PSPH: variants seen among roughly 807,000 people sequenced by gnomAD.
The protein encoded by PSPH is phosphoserine phosphatase, also known as L-3-phosphoserine phosphatase.
PSPH carries 16 observed loss-of-function variants against 23.4 expected under a neutral mutation model. The observed-to-expected ratio is 0.68, with a 90% confidence interval of 0.46 to 1.04. PSPH has a LOEUF of 1.04. Among genes scored for constraint, PSPH ranks in the 50% least tolerant of loss-of-function variants. The probability of loss-of-function intolerance (pLI) is 0.00; values close to 1 mark genes in which losing one functional copy is unlikely to be tolerated. For synonymous variants in PSPH, 68 were observed against 99.7 expected (o/e 0.68, Z 1.89); for missense variants, 223 against 273.7 (o/e 0.81, Z 1.31).
intron 1 of PSPH, among the ~76,000 whole-genome samples, chr7:56,044,418 A>G (rs1048947969): frequency 6.6e-6 from 1 of 152,156 alleles, no homozygotes; most frequent in African/African-American, 2.4e-5. Context: ...AACGTTACCT[A>G]CTCTGACAAT....
intron 3 of PSPH, among the ~76,000 whole-genome samples, chr7:56,029,265 A>G (rs1013652468): frequency 6.6e-6 from 1 of 152,076 alleles, no homozygotes; most frequent in Non-Finnish European, 1.5e-5. Flanking sequence ...ACACAGAAAA[A>G]TCATTGCCAG....
At chr7:56,019,501 C>A in intron 5 of PSPH, 99 bp downstream of exon 5, 6 of 1,398,124 alleles carry the variant, frequency 4.3e-6, no homozygotes, top group East Asian at 4.8e-5. Flanking sequence ...ATAAATAAAC[C>A]ACCCAGAGGG....
At chr7:56,019,780 C>A (rs1369778578) in intron 4 of PSPH, 46 bp from the exon 5 acceptor site, 11 of 1,607,858 alleles carry the variant, frequency 6.8e-6, no homozygotes, top group Non-Finnish European at 9.3e-6. Context: ...CCGATGTCCT[C>A]AAGGTTAACA....
At chr7:56,022,338 T>C (rs1021964792) in intron 3 of PSPH, among the ~76,000 whole-genome samples, 1 of 150,928 alleles carries the variant, frequency 6.6e-6, no homozygotes, top group Non-Finnish European at 1.5e-5. Context: ...TGACTCTAAC[T>C]AAAAGAAAAA....
intron 1 of PSPH, among the ~76,000 whole-genome samples, 166 bp downstream of exon 1, chr7:56,050,972 A>G (rs950678581): frequency 6.6e-6 from 1 of 152,140 alleles, no homozygotes; most frequent in African/African-American, 2.4e-5. Flanking sequence ...TGAACTCAGG[A>G]GTATCACTTG....
At chr7:56,035,998 G>A (rs542984755) in intron 1 of PSPH, among the ~76,000 whole-genome samples, 145 of 152,178 alleles carry the variant, frequency 9.5e-4, no homozygotes, top group Middle Eastern at 6.8e-3. Flanking sequence ...GGAGGCCGAG[G>A]TGGGTGTATC....
chr7:56,018,550 GC>G (rs1788899666), intron 5 of PSPH, among the ~76,000 whole-genome samples: 1 of 152,096 alleles, frequency 6.6e-6, no homozygotes, highest in Admixed American at 6.6e-5. Flanking sequence ...AGTGCCAAAA[GC>G]ACCACACAGG....
Position 56,042,114 on chromosome 7 carries a change from T to C in PSPH, c.-291-8008A>G, listed in dbSNP as rs544550789. ...GTCGTGCACCTGTAATCCCAGCTACTTGGGAGGCTGAAGCAGGAGAATCGC... is the reference window on the plus strand; with the variant it reads ...GTCGTGCACCTGTAATCCCAGCTACCTGGGAGGCTGAAGCAGGAGAATCGC... On this transcript the variant is annotated intron_variant, in intron 1 of 7. Coordinates refer to ENST00000275605, the MANE Select transcript of PSPH (RefSeq NM_004577.4). Among the ~76,000 whole-genome samples, 43 of 150,524 alleles carry C rather than the reference T, an allele frequency of 2.9e-4. 1 individual carries two copies. The South Asian group carries it at 8.8e-3, about 31-fold the overall frequency.
In PSPH at chr7:56,017,303, G is replaced by A; in HGVS notation, c.352C>T (p.His118Tyr). ...ISGGFRSIVE[H>Y]VASKLNIPAT... is the part of the protein sequence containing the mutation. ...GGGATATTGAGCTTTGAAGCAACAT[G>A]CTCTACAATACTCCTAAAGCCACCA... Residue 118 changes from histidine (H) to tyrosine (Y), a missense_variant, in exon 6 of 8, where the codon CAT becomes TAT. By Grantham distance (83) the His-to-Tyr change is moderately conservative (BLOSUM62 2). Coordinates refer to ENST00000275605, the MANE Select transcript of PSPH (RefSeq NM_004577.4). The A allele has an allele frequency of 3.1e-6, 5 of 1,613,650 alleles. No homozygotes were observed. The highest frequency in any genetic ancestry group is 4.2e-6 in the Non-Finnish European group (5 of 1,179,822).
intron 1 of PSPH, among the ~76,000 whole-genome samples, chr7:56,037,706 A>ATTTTTTTTT (rs71015167): frequency 8.7e-6 from 1 of 115,304 alleles, no homozygotes; most frequent in African/African-American, 3.3e-5. Flanking sequence ...AAGCTAACAA[A>ATTTTTTTTT]TTTTTTTTTT....
rs897523044 is a variant in PSPH, at chr7:56,020,150, C to T, written c.141-416G>A. On this transcript the variant is annotated intron_variant, in intron 4 of 7. Transcript: ENST00000275605. ...AGGAGAATTGCTGGAACCCGGGAGGCAGAGGTTGCAGTGAGCCAAGATCTC... is the reference window on the plus strand; with the variant it reads ...AGGAGAATTGCTGGAACCCGGGAGGTAGAGGTTGCAGTGAGCCAAGATCTC... Among the ~76,000 whole-genome samples the T allele has an allele frequency of 4.4e-5, 6 of 137,760 alleles. No individual in the cohort carries two copies. The South Asian group carries it at 7.0e-4, about 16-fold the overall frequency. The allele number at this position is 137,760 out of a possible 152,430, so 90.4% of individuals were successfully genotyped here. A position where few individuals can be genotyped will look rare whatever the true frequency, so the allele number is the denominator to read the frequency against.
intron 1 of PSPH, among the ~76,000 whole-genome samples, chr7:56,042,914 G>T (rs921704244): frequency 2.0e-5 from 3 of 152,124 alleles, no homozygotes; most frequent in Non-Finnish European, 4.4e-5. Context: ...AACCAATATG[G>T]ATGATAAAAA....
At chr7:56,014,342 T>C (rs1255224873) in intron 7 of PSPH, among the ~76,000 whole-genome samples, 1 of 152,194 alleles carries the variant, frequency 6.6e-6, no homozygotes, top group African/African-American at 2.4e-5. Context: ...AAGGCATTGT[T>C]AAAAGTTTTA....
At chr7:56,018,792 C>G (rs1356860938) in intron 5 of PSPH, among the ~76,000 whole-genome samples, 1 of 151,556 alleles carries the variant, frequency 6.6e-6, no homozygotes, top group African/African-American at 2.4e-5. Flanking sequence ...ATAGTGAGAC[C>G]CTGTGTCTAC....
At chr7:56,030,681 T>C (rs1189875412) in intron 3 of PSPH, among the ~76,000 whole-genome samples, 3 of 146,020 alleles carry the variant, frequency 2.1e-5, no homozygotes, top group African/African-American at 7.6e-5. Flanking sequence ...GGCAACTCAC[T>C]TGAGATCAAG....
At chr7:56,035,027 G>A (rs1391309774) in intron 1 of PSPH, among the ~76,000 whole-genome samples, 1 of 151,904 alleles carries the variant, frequency 6.6e-6, no homozygotes, top group East Asian at 1.9e-4. Flanking sequence ...GTGAGATACC[G>A]CGCCCGGCCT....
chr7:56,027,600 T>C (rs142345747), intron 3 of PSPH, among the ~76,000 whole-genome samples: 37 of 151,004 alleles, frequency 2.5e-4, no homozygotes, highest in African/African-American at 8.5e-4. Context: ...GGCAGGAGAA[T>C]TGCTTGAACG....
At chr7:56,040,170 G>A (rs1792323562) in intron 1 of PSPH, among the ~76,000 whole-genome samples, 1 of 152,006 alleles carries the variant, frequency 6.6e-6, no homozygotes, top group Non-Finnish European at 1.5e-5. Flanking sequence ...AGTTTGAAAT[G>A]TGATTTAATA....
intron 7 of PSPH, among the ~76,000 whole-genome samples, chr7:56,012,177 C>T (rs376755555): frequency 5.8e-4 from 87 of 151,046 alleles, no homozygotes; most frequent in African/African-American, 2.0e-3. Flanking sequence ...TCCACTGCAC[C>T]CATCTAATTT....
Sources: gnomAD v4.1 joint callset for allele counts (sites outside exome capture counted in the v4.1 genomes callset) on GRCh38, gnomAD v4.1.1 for gene constraint, MANE v1.5 for transcripts, NCBI Gene and HGNC (gene_info 2026-07-23, HGNC 2026-07-21) for gene names.